The following REXO5 variants were observed in gnomAD, a reference collection of about 807,000 sequenced individuals.
REXO5 encodes the protein RNA exonuclease 5.
REXO5 carries 48 observed loss-of-function variants against 88.5 expected under a neutral mutation model. The observed-to-expected ratio is 0.54, with a 90% confidence interval of 0.43 to 0.69. The LOEUF is 0.69. REXO5 is among the 30% of genes least tolerant of loss of function. The pLI is 0.00. For missense variants in REXO5, 749 were observed against 912.2 expected (o/e 0.82, Z 2.30); for synonymous variants, 311 against 336.5 (o/e 0.92, Z 0.83).
chr16:20,845,770 G>A (rs560329694), intron 18 of REXO5, among the ~76,000 whole-genome samples: 10 of 152,080 alleles, frequency 6.6e-5, no homozygotes, highest in Admixed American at 6.6e-4. Context: ...AAATGTTAGA[G>A]GGATATACAA....
rs1158962182 is a variant in REXO5 at position 20,840,405 on chromosome 16, G to A, written c.1563G>A (p.Leu521=). 1 of 1,584,610 alleles carries A rather than the reference G, an allele frequency of 6.3e-7. No individual in the cohort carries two copies. The highest frequency in any genetic ancestry group is 8.6e-7 in the Non-Finnish European group (1 of 1,158,398). ...PFSKNCNLRA[L]KRLFKSFGPV... is the part of the protein sequence containing the mutation. ...GCAAAAATTGCAATCTCAGGGCTCT[G>A]AAGAGGCTGTTTAAAAGCTTTGGCC... Residue 521 remains leucine, a synonymous_variant, in exon 15 of 20, where the codon CTG becomes CTA. Transcript: ENST00000261377.
chr16:20,831,641 C>T (rs2081346983), intron 11 of REXO5, among the ~76,000 whole-genome samples: 1 of 152,186 alleles, frequency 6.6e-6, no homozygotes, highest in Non-Finnish European at 1.5e-5. Context: ...ATTCTCTCTA[C>T]ATCACAACTC....
chr16:20,807,193 C>T, intron 2 of REXO5, 102 bp downstream of exon 2: 3 of 1,374,654 alleles, frequency 2.2e-6, no homozygotes, highest in Non-Finnish European at 2.0e-6. Context: ...GGGCTCTCCG[C>T]CCTGGCCTCT....
chr16:20,825,007 C>CA lies in REXO5; in HGVS notation c.705+492dup, dbSNP rs11357501. Among the ~76,000 whole-genome samples the CA allele has an allele frequency of 3.9e-3, 550 of 142,262 alleles. 1 individual carries two copies. The highest frequency in any genetic ancestry group is 6.1e-3 in the Non-Finnish European group (392 of 64,750). 93.3% of individuals were successfully genotyped at this position (142,262 alleles called of 152,430 possible). A position where few individuals can be genotyped will look rare whatever the true frequency, so the allele number is the denominator to read the frequency against. On this transcript the variant is annotated intron_variant, in intron 7 of 19. Coordinates refer to ENST00000261377, the MANE Select transcript of REXO5 (RefSeq NM_030941.3). The stretch of plus-strand genomic sequence containing the variant: ...CTGGCGACAGAGTGAGACTCGATCT[C>CA]AAAAAAAAAAAATCACGTTTTCCAA...
Position 20,806,976 on chromosome 16 carries a change from C to A in REXO5, c.23C>A (p.Thr8Asn). Residue 8 changes from threonine (T) to asparagine (N), a missense_variant, in exon 2 of 20, where the codon ACC becomes AAC. Coordinates refer to ENST00000261377, the MANE Select transcript of REXO5 (RefSeq NM_030941.3). ...GCCATGGAGCCAGAGAGGGAAGGGA[C>A]CGAGAGACACCCCAGGAAGGTCAGG... MEPEREG[T>N]ERHPRKVRES... 1 of 1,596,818 alleles carries A rather than the reference C, an allele frequency of 6.3e-7. No homozygotes were observed. Among genetic ancestry groups the A allele is most frequent in the Non-Finnish European group, 8.5e-7 (1 of 1,171,558 alleles).
At chr16:20,829,983 C>T (rs1000040819) in intron 11 of REXO5, among the ~76,000 whole-genome samples, 7 of 152,216 alleles carry the variant, frequency 4.6e-5, no homozygotes. Flanking sequence ...ATTATGTCAA[C>T]ACTGGTGGGC....
At chr16:20,827,936 A>T (rs1197551179) in intron 10 of REXO5, among the ~76,000 whole-genome samples, 1 of 152,210 alleles carries the variant, frequency 6.6e-6, no homozygotes, top group Non-Finnish European at 1.5e-5. Context: ...ACTCCTGAGA[A>T]TAAGGGATGC....
Position 20,846,320 on chromosome 16 carries a change from C to T in REXO5, c.2224C>T (p.Leu742=). The part of the protein sequence containing the change: ...SLCPGTLCLI[L]LPGTKSTHGS... ...GTGCCCGGGCACTCTCTGCCTCATC[C>T]TGCTGCCAGGAACCAAGAGGTAAGG... Residue 742 remains leucine, a synonymous_variant, in exon 19 of 20, where the codon CTG becomes TTG. Coordinates refer to ENST00000261377, the MANE Select transcript of REXO5 (RefSeq NM_030941.3). The T allele has an allele frequency of 1.2e-6, 2 of 1,613,786 alleles. No homozygotes were observed. The highest frequency in any genetic ancestry group is 8.5e-7 in the Non-Finnish European group (1 of 1,179,726).
chr16:20,813,448 A>AT (rs2081033546), intron 3 of REXO5, 146 bp downstream of exon 3: 2 of 540,668 alleles, frequency 3.7e-6, no homozygotes, highest in South Asian at 5.2e-5. Flanking sequence ...CATGTCCTGA[A>AT]TTTTTTATGA....
intron 5 of REXO5, chr16:20,821,038 TG>T: frequency 6.6e-6 from 1 of 152,348 alleles, no homozygotes; most frequent in Non-Finnish European, 1.5e-5. Flanking sequence ...TAATGGTCCC[TG>T]GTTAAAGAAC....
chr16:20,837,178 C>T (rs1171392365), intron 13 of REXO5, among the ~76,000 whole-genome samples: 1 of 152,128 alleles, frequency 6.6e-6, no homozygotes. Flanking sequence ...GATGGAAATC[C>T]TTGTAAGTTG....
Position 20,832,239 on chromosome 16 carries a change from A to G in REXO5, c.1242A>G (p.Val414=). ...AAGAGCCTAAAAACACAGCAGAAGT[A>G]CTTCAGCACCCAAACACAAGGTAAT... The part of the protein sequence containing the change: ...AGQEPKNTAE[V]LQHPNTSVLE... The change falls in exon 12 of 20, where the codon GTA becomes GTG. Residue 414 remains valine (V), a synonymous_variant. Transcript: ENST00000261377. The G allele has an allele frequency of 6.2e-7, 1 of 1,610,216 alleles. No individual in the cohort carries two copies. Among genetic ancestry groups the G allele is most frequent in the Non-Finnish European group, 8.5e-7 (1 of 1,177,552 alleles).
intron 4 of REXO5, 131 bp downstream of exon 4, chr16:20,815,184 CT>C: frequency 1.2e-6 from 1 of 826,464 alleles, no homozygotes; most frequent in Non-Finnish European, 1.8e-6. Flanking sequence ...GCAAAAAGAC[CT>C]TAGAGGCCTC....
chr16:20,806,946 C>A lies in REXO5; in HGVS notation c.-2-6C>A. Reference sequence around the variant, plus strand: ...TTCCCCAGCTCTACCTCATCTTTCTCCACAGCCATGGAGCCAGAGAGGGAA... The same window carrying A: ...TTCCCCAGCTCTACCTCATCTTTCTACACAGCCATGGAGCCAGAGAGGGAA... On this transcript the variant is annotated splice_region_variant and splice_polypyrimidine_tract_variant and intron_variant, in intron 1 of 19. Transcript: ENST00000261377. 1 of 1,580,612 alleles carries A rather than the reference C, an allele frequency of 6.3e-7. No individual in the cohort carries two copies.
rs148206580 is a variant in REXO5, at chr16:20,838,361, T to C, written c.1384-1394T>C. 1.3e-3 allele frequency among the ~76,000 whole-genome samples: 205 copies of C among 152,334 alleles called. 1 individual carries two copies. Among genetic ancestry groups the C allele is most frequent in the African/African-American group, 4.7e-3 (197 of 41,568 alleles). ...TATTTATATTATTGTGAAAGAGATCTTATAACTTTTTTATTTTGCAGAAGT... is the reference window on the plus strand; with the variant it reads ...TATTTATATTATTGTGAAAGAGATCCTATAACTTTTTTATTTTGCAGAAGT... On this transcript the variant is annotated intron_variant, in intron 13 of 19. Coordinates refer to ENST00000261377, the MANE Select transcript of REXO5 (RefSeq NM_030941.3).
At chr16:20,812,722 C>T (rs1451240181) in intron 2 of REXO5, among the ~76,000 whole-genome samples, 3 of 152,140 alleles carry the variant, frequency 2.0e-5, no homozygotes, top group African/African-American at 4.8e-5. Flanking sequence ...AACCATACTA[C>T]ATGTTGAATG....
At chr16:20,829,183 G>C (rs2081303684) in intron 11 of REXO5, among the ~76,000 whole-genome samples, 5 of 151,984 alleles carry the variant, frequency 3.3e-5, no homozygotes, top group Admixed American at 3.3e-4. Context: ...CTATAATATG[G>C]GAATACACAC....
chr16:20,828,538 G>GTT lies in REXO5; in HGVS notation c.1158+2_1158+3dup. ...TTTCCTTAAGCATGGCCCAAAAAAG[G>GTT]TTAGTATCTTTGCCCAGTGTGTTCA... On this transcript the variant is annotated splice_donor_variant, in intron 11 of 19. Transcript: ENST00000261377. LOFTEE classifies it high-confidence loss of function. 1 of 1,605,194 alleles carries GTT rather than the reference G, an allele frequency of 6.2e-7. No homozygotes were observed. The highest frequency in any genetic ancestry group is 8.5e-7 in the Non-Finnish European group (1 of 1,171,942).
intron 4 of REXO5, 96 bp from the exon 5 acceptor site, chr16:20,816,020 C>A: frequency 2.1e-6 from 2 of 932,848 alleles, no homozygotes; most frequent in South Asian, 1.5e-5. Context: ...CTGTCTAGAA[C>A]TTTCAAAGCA....
Sources: allele counts gnomAD v4.1 joint callset (sites outside exome capture counted in the v4.1 genomes callset), GRCh38; gene constraint gnomAD v4.1.1; transcripts MANE v1.5; gene names NCBI Gene and HGNC (gene_info 2026-07-23, HGNC 2026-07-21).